Variants in ROS1 observed in about 807,000 individuals in gnomAD.
The protein encoded by ROS1 is proto-oncogene tyrosine-protein kinase ROS.
ROS1 carries 263 observed loss-of-function variants against 273.5 expected under a neutral mutation model. The ratio of observed to expected loss-of-function variants is 0.96; its 90% confidence interval spans 0.87 to 1.06. ROS1 has a LOEUF of 1.06. Ranked by LOEUF, ROS1 falls within the 50% of genes least tolerant of loss-of-function variation. ROS1 has a pLI of 0.00. For missense variants in ROS1, 2,833 were observed against 2,751.1 expected, an observed-to-expected ratio of 1.03 and a Z score of -0.67; for synonymous variants, 1,008 against 954.1, an observed-to-expected ratio of 1.06 and a Z score of -1.04.
At chr6:117,356,007 G>A (rs780973311) in intron 26 of ROS1, among the ~76,000 whole-genome samples, 4 of 152,186 alleles carry the variant, frequency 2.6e-5, no homozygotes, top group Non-Finnish European at 5.9e-5. Flanking sequence ...GGGGTATTTA[G>A]AGTATATATT....
intron 5 of ROS1, among the ~76,000 whole-genome samples, chr6:117,406,372 A>G (rs1582871730): frequency 6.6e-6 from 1 of 152,306 alleles, no homozygotes; most frequent in South Asian, 2.1e-4. Flanking sequence ...GATGTGTTAA[A>G]GACAAATAAG....
At position 117,356,881 on chromosome 6, in the gene ROS1, A is replaced by C; in HGVS notation, c.3874T>G (p.Tyr1292Asp). The C allele has an allele frequency of 6.2e-7, 1 of 1,614,126 alleles. No homozygotes were observed. Among genetic ancestry groups the C allele is most frequent in the Non-Finnish European group, 8.5e-7 (1 of 1,179,988 alleles). The change falls in exon 26 of 44, where the codon TAC becomes GAC. Residue 1292 changes from tyrosine to aspartate, a missense_variant. Tyr to Asp is a radical substitution (Grantham distance 160, BLOSUM62 -3). Transcript: ENST00000368507. ...ATAATACTGTAGTAGAACATCTGGT[A>C]GCCAAAATTGGAAACTTCTGTCCAA... ...LYWTEVSNFG[Y>D]QMFYYSIISH... is the part of the protein sequence containing the mutation.
intron 32 of ROS1, among the ~76,000 whole-genome samples, chr6:117,335,959 A>T (rs933934812): frequency 6.6e-6 from 1 of 152,096 alleles, no homozygotes; most frequent in Non-Finnish European, 1.5e-5. Context: ...TTTTTTAAGA[A>T]GAAATTTTAA....
At chr6:117,388,141 A>G (rs566294646) in intron 13 of ROS1, 149 bp from the exon 14 acceptor site, 1 of 1,235,036 alleles carries the variant, frequency 8.1e-7, no homozygotes, top group Non-Finnish European at 1.1e-6. Flanking sequence ...ACCAGGGATC[A>G]TTTGTTGATG....
chr6:117,350,020 C>T (rs1228226945), intron 27 of ROS1, among the ~76,000 whole-genome samples: 1 of 151,840 alleles, frequency 6.6e-6, no homozygotes, highest in Non-Finnish European at 1.5e-5. Context: ...AAACTATTAT[C>T]CATTAGGTCA....
At chr6:117,360,132 T>C (rs892602038) in intron 23 of ROS1, 121 bp from the exon 24 acceptor site, 1 of 808,392 alleles carries the variant, frequency 1.2e-6, no homozygotes, top group Non-Finnish European at 2.0e-6. Context: ...CTCTAATAGA[T>C]CTTTCTCAGT....
intron 37 of ROS1, among the ~76,000 whole-genome samples, chr6:117,318,737 G>A (rs1776083757): frequency 6.6e-6 from 1 of 152,116 alleles, no homozygotes; most frequent in Non-Finnish European, 1.5e-5. Flanking sequence ...AAAAACTGCT[G>A]AGGCGGGAAG....
At position 117,397,122 on chromosome 6, in the gene ROS1, A is replaced by G; in HGVS notation, c.605-6T>C. 6.3e-7 allele frequency: 1 copy of G among 1,594,288 alleles called. No individual in the cohort carries two copies. Among genetic ancestry groups the G allele is most frequent in the Non-Finnish European group, 8.6e-7 (1 of 1,162,370 alleles). ...CAAAGGTGCAGTTTCAGGAACTGGAAGAGATAATGGTGACATAATGAGCAG... is the reference window on the plus strand; with the variant it reads ...CAAAGGTGCAGTTTCAGGAACTGGAGGAGATAATGGTGACATAATGAGCAG... On this transcript the variant is annotated splice_region_variant and splice_polypyrimidine_tract_variant and intron_variant, in intron 7 of 43. Coordinates refer to ENST00000368507, the MANE Select transcript of ROS1 (RefSeq NM_001378902.1).
rs1476008353 is a variant in ROS1, at chr6:117,385,807, A to G, written c.2165T>C (p.Phe722Ser). 6.2e-7 allele frequency: 1 copy of G among 1,614,196 alleles called. No homozygotes were observed. The highest frequency in any genetic ancestry group is 1.1e-5 in the South Asian group (1 of 91,088). The change falls in exon 16 of 44, where the codon TTT becomes TCT. Residue 722 changes from phenylalanine to serine, a missense_variant. Coordinates refer to ENST00000368507, the MANE Select transcript of ROS1 (RefSeq NM_001378902.1). ...ATCCGTCCCATTCAGCAGCCACACA[A>G]AAACGTCGCCTTTCGTGTCACTGTA... ...LYYSDTKGDV[F>S]VWLLNGTDIS...
intron 3 of ROS1, among the ~76,000 whole-genome samples, chr6:117,415,541 G>A (rs147348502): frequency 9.1e-4 from 138 of 152,246 alleles, no homozygotes; most frequent in Non-Finnish European, 1.5e-3. Context: ...GTTACAACAC[G>A]ACAGGCTCTA....
At chr6:117,340,948 A>G (rs1285331765) in intron 31 of ROS1, among the ~76,000 whole-genome samples, 187 bp downstream of exon 31, 1 of 152,084 alleles carries the variant, frequency 6.6e-6, no homozygotes, top group Non-Finnish European at 1.5e-5. Context: ...AAGCAAATTA[A>G]TCTCCCTGAG....
chr6:117,395,392 C>T (rs2128714386), intron 9 of ROS1, among the ~76,000 whole-genome samples: 1 of 152,234 alleles, frequency 6.6e-6, no homozygotes, highest in East Asian at 1.9e-4. Context: ...TTCCTAGAGT[C>T]TAGGAACAGC....
intron 39 of ROS1, among the ~76,000 whole-genome samples, chr6:117,315,424 T>C (rs1775849519): frequency 6.6e-6 from 1 of 151,966 alleles, no homozygotes; most frequent in South Asian, 2.1e-4. Flanking sequence ...GAGTAAAGAG[T>C]ACCACAGATA....
rs763408803 is a variant in ROS1 at position 117,383,460 on chromosome 6, C to T, written c.2338G>A (p.Val780Met). 5.6e-6 allele frequency: 9 copies of T among 1,614,080 alleles called. No individual in the cohort carries two copies. The highest frequency in any genetic ancestry group is 3.3e-4 in the Middle Eastern group (2 of 6,062). Residue 780 changes from valine to methionine, a missense_variant, in exon 17 of 44, where the codon GTG becomes ATG. Coordinates refer to ENST00000368507, the MANE Select transcript of ROS1 (RefSeq NM_001378902.1). ...LTGHTDIVTHVKLLVNDMVVD... is the reference protein window; with the variant it reads ...LTGHTDIVTHMKLLVNDMVVD... ...ACCATGTCATTCACCAATAGCTTCA[C>T]GTGGGTAACAATGTCTGTGTGTCCC...
At chr6:117,306,290 T>A (rs1292629297) in intron 42 of ROS1, among the ~76,000 whole-genome samples, 1 of 152,130 alleles carries the variant, frequency 6.6e-6, no homozygotes, top group Non-Finnish European at 1.5e-5. Context: ...TACATATTTT[T>A]TTAAGATGTA....
At chr6:117,336,827 T>C (rs1299749787) in intron 32 of ROS1, among the ~76,000 whole-genome samples, 1 of 152,162 alleles carries the variant, frequency 6.6e-6, no homozygotes, top group African/African-American at 2.4e-5. Flanking sequence ...ATATTTTTCA[T>C]CCTAGTATCT....
chr6:117,340,256 G>C (rs1444330267), intron 31 of ROS1, among the ~76,000 whole-genome samples: 2 of 152,044 alleles, frequency 1.3e-5, no homozygotes, highest in Non-Finnish European at 1.5e-5. Flanking sequence ...ATTCAGTGTT[G>C]TTCCACAGTT....
rs1295651261 is a variant in ROS1 at position 117,425,636 on chromosome 6, AAGAC to A, written c.17_20del (p.Cys6LeufsTer24). 1.9e-6 allele frequency: 3 copies of A among 1,611,914 alleles called. No individual in the cohort carries two copies. Among genetic ancestry groups the A allele is most frequent in the Non-Finnish European group, 2.5e-6 (3 of 1,179,188 alleles). ...TTGCAAAATTGACAAGCTTCGGAATAAGACAGTAAATGTTCTTCATCACTTCACC... is the reference window on the plus strand; with the variant it reads ...TTGCAAAATTGACAAGCTTCGGAATAAGTAAATGTTCTTCATCACTTCACC... On this transcript the variant is annotated frameshift_variant, in exon 1 of 44. Transcript: ENST00000368507. LOFTEE classifies it high-confidence loss of function.
rs1046359018 is a variant in ROS1 at position 117,341,277 on chromosome 6, G to A, written c.4919C>T (p.Thr1640Ile). The A allele has an allele frequency of 3.1e-6, 5 of 1,613,378 alleles. No individual in the cohort carries two copies. The African/African-American group carries it at 5.3e-5, about 17-fold the overall frequency. The stretch of plus-strand genomic sequence containing the variant: ...TTCCACAGTGACAGGATGACTCTCT[G>A]TACACCACATTTCCTCAGAGTGGCA... ...LACHSEEMWC[T>I]ESHPVTVEMF... The change falls in exon 31 of 44, where the codon ACA becomes ATA. Residue 1640 changes from threonine to isoleucine, a missense_variant. Coordinates refer to ENST00000368507, the MANE Select transcript of ROS1 (RefSeq NM_001378902.1).
Sources: gnomAD v4.1 joint callset for allele counts (sites outside exome capture counted in the v4.1 genomes callset) on GRCh38, gnomAD v4.1.1 for gene constraint, MANE v1.5 for transcripts, NCBI Gene and HGNC (gene_info 2026-07-23, HGNC 2026-07-21) for gene names.